FOCAD: variants seen among roughly 807,000 people sequenced by gnomAD.
FOCAD encodes the protein KIAA1797.
Under a neutral mutation model 225.6 loss-of-function variants are expected in FOCAD, and 198 were observed. That is an observed-to-expected ratio of 0.88 (90% CI 0.78 to 0.99). The LOEUF is 0.99. Ranked by LOEUF, FOCAD falls within the 50% of genes least tolerant of loss-of-function variation. FOCAD has a pLI of 0.00. For missense variants in FOCAD, 2,713 were observed against 2,123.6 expected (o/e 1.28, Z -5.46); for synonymous variants, 897 against 755.0 (o/e 1.19, Z -3.08).
intron 11 of FOCAD, among the ~76,000 whole-genome samples, chr9:20,819,020 A>G (rs1288308113): frequency 2.6e-5 from 4 of 152,082 alleles, no homozygotes; most frequent in Non-Finnish European, 1.5e-5. Flanking sequence ...TTCACATTTT[A>G]TTGTGTCATG....
At chr9:20,854,478 C>A (rs1227642191) in intron 15 of FOCAD, among the ~76,000 whole-genome samples, 1 of 151,638 alleles carries the variant, frequency 6.6e-6, no homozygotes, top group Non-Finnish European at 1.5e-5. Context: ...ATGACTTCAC[C>A]ATAGTCACAC....
At position 20,986,173 on chromosome 9, in the gene FOCAD, T is replaced by A. The variant is rs373232789; in HGVS notation, c.4729-115T>A. 4.0e-5 allele frequency: 39 copies of A among 985,720 alleles called. No individual in the cohort carries two copies. In the African/African-American group the frequency reaches 5.6e-4, roughly 14 times the overall value. 61.1% of individuals were successfully genotyped at this position (985,720 alleles called of 1,614,324 possible). The stretch of plus-strand genomic sequence containing the variant: ...CAGATGGGTCATGTGCTGCAGGAAA[T>A]GAACAGAATAGTAACATCCAACTCA... On this transcript the variant is annotated intron_variant, in intron 39 of 43. Transcript: ENST00000338382.
At chr9:20,769,119 A>AT (rs1265784521) in intron 7 of FOCAD, among the ~76,000 whole-genome samples, 1 of 152,204 alleles carries the variant, frequency 6.6e-6, no homozygotes, top group African/African-American at 2.4e-5. Context: ...AAAATAATTT[A>AT]TACCAGACTG....
chr9:20,725,879 G>T (rs192864068), intron 4 of FOCAD, among the ~76,000 whole-genome samples: 14 of 152,210 alleles, frequency 9.2e-5, no homozygotes, highest in Admixed American at 8.5e-4. Context: ...CAAAGCTGAG[G>T]CAACATGAAA....
At chr9:20,819,637 G>A (rs1434445015) in intron 11 of FOCAD, among the ~76,000 whole-genome samples, 159 bp from the exon 12 acceptor site, 1 of 152,096 alleles carries the variant, frequency 6.6e-6, no homozygotes, top group Non-Finnish European at 1.5e-5. Context: ...GTGACACTAT[G>A]AAATTATCAT....
intron 35 of FOCAD, among the ~76,000 whole-genome samples, chr9:20,973,796 T>G (rs915743342): frequency 7.2e-6 from 1 of 137,952 alleles, no homozygotes; most frequent in Non-Finnish European, 1.6e-5. Flanking sequence ...TGCTGACTCT[T>G]GCTTCCCCAT....
At position 20,986,363 on chromosome 9, in the gene FOCAD, G is replaced by C; in HGVS notation, c.4804G>C (p.Asp1602His). ...ACGATTCCCCTTGGTGAACCTGACC[G>C]ATATGCTGAGCGTTGCTGTGCAGCA... ...QGRFPLVNLT[D>H]MLSVAVQHRE... Residue 1602 changes from aspartate to histidine, a missense_variant, in exon 40 of 44, where the codon GAT becomes CAT. By Grantham distance (81) the Asp-to-His change is moderately conservative. Coordinates refer to ENST00000338382, the MANE Select transcript of FOCAD (RefSeq NM_001375567.1). 3.1e-6 allele frequency: 5 copies of C among 1,590,604 alleles called. No homozygotes were observed. Among genetic ancestry groups the C allele is most frequent in the Non-Finnish European group, 4.3e-6 (5 of 1,170,218 alleles).
At chr9:20,893,527 T>G (rs2131923442) in intron 21 of FOCAD, among the ~76,000 whole-genome samples, 1 of 152,270 alleles carries the variant, frequency 6.6e-6, no homozygotes. Context: ...ATGTACTGTT[T>G]GTGTTGTTAT....
intron 39 of FOCAD, 138 bp from the exon 40 acceptor site, chr9:20,986,150 G>T (rs1432452896): frequency 2.7e-6 from 2 of 745,882 alleles, no homozygotes; most frequent in Non-Finnish European, 4.0e-6. Flanking sequence ...CACACAGGCA[G>T]ATGGGTCATG....
At chr9:20,865,688 G>A (rs1360650209) in intron 16 of FOCAD, among the ~76,000 whole-genome samples, 2 of 152,016 alleles carry the variant, frequency 1.3e-5, no homozygotes, top group African/African-American at 4.8e-5. Flanking sequence ...GAAATGGTTA[G>A]GTTTCTAAAT....
At chr9:20,775,744 A>G (rs536430242) in intron 8 of FOCAD, among the ~76,000 whole-genome samples, 115 of 152,078 alleles carry the variant, frequency 7.6e-4, no homozygotes, top group African/African-American at 2.7e-3. Flanking sequence ...GTTTAGTGCT[A>G]TTTTCATTTG....
At chr9:20,863,522 C>G (rs1237868756) in intron 16 of FOCAD, 1 of 152,102 alleles carries the variant, frequency 6.6e-6, no homozygotes, top group Non-Finnish European at 1.5e-5. Context: ...CAATACCTAT[C>G]ACAGTACCTG....
At chr9:20,722,273 G>C (rs995908408) in intron 4 of FOCAD, among the ~76,000 whole-genome samples, 5 of 151,958 alleles carry the variant, frequency 3.3e-5, no homozygotes, top group African/African-American at 1.2e-4. Context: ...ACTAGATCCA[G>C]CCTTCTGTTC....
At chr9:20,768,131 G>C (rs1447681052) in intron 7 of FOCAD, among the ~76,000 whole-genome samples, 1 of 149,016 alleles carries the variant, frequency 6.7e-6, no homozygotes, top group Non-Finnish European at 1.5e-5. Flanking sequence ...AGATCAGATA[G>C]TTGTAGATAT....
At chr9:20,766,891 T>A (rs1224642818) in intron 7 of FOCAD, among the ~76,000 whole-genome samples, 1 of 152,056 alleles carries the variant, frequency 6.6e-6, no homozygotes, top group African/African-American at 2.4e-5. Flanking sequence ...TAGTTACATA[T>A]GTATACATGT....
At chr9:20,866,050 CTT>C (rs1410445799) in intron 17 of FOCAD, 74 bp downstream of exon 17, 2 of 1,266,674 alleles carry the variant, frequency 1.6e-6, no homozygotes, top group Non-Finnish European at 2.2e-6. Flanking sequence ...AAATAAGACT[CTT>C]AGGATAAAAA....
In FOCAD at chr9:20,720,415, C is replaced by A. The variant is rs891887980; in HGVS notation, c.168C>A (p.Cys56Ter). 4 of 1,613,926 alleles carry A rather than the reference C, an allele frequency of 2.5e-6. No homozygotes were observed. Among genetic ancestry groups the A allele is most frequent in the Non-Finnish European group, 3.4e-6 (4 of 1,179,992 alleles). ...PALNLLWEKC[C>*]SDNVVVRTAC... is the part of the protein sequence containing the mutation. The stretch of plus-strand genomic sequence containing the variant: ...TGAACTTGCTGTGGGAGAAGTGTTG[C>A]AGTGACAATGTAGTGGTTCGAACAG... The change falls in exon 4 of 44, where the codon TGC (cysteine) becomes TGA (stop). Residue 56 changes from cysteine to a stop codon, truncating the protein, a stop_gained. Coordinates refer to ENST00000338382, the MANE Select transcript of FOCAD (RefSeq NM_001375567.1). LOFTEE classifies it high-confidence loss of function.
intron 6 of FOCAD, among the ~76,000 whole-genome samples, chr9:20,764,329 C>T (rs1290489254): frequency 6.6e-6 from 1 of 152,170 alleles, no homozygotes; most frequent in Non-Finnish European, 1.5e-5. Context: ...TCTTGGCTCA[C>T]TGCAACCTCT....
chr9:20,801,920 T>C (rs141017615), intron 11 of FOCAD, among the ~76,000 whole-genome samples: 2 of 152,230 alleles, frequency 1.3e-5, no homozygotes, highest in African/African-American at 4.8e-5. Context: ...AAGTGTCGAG[T>C]GCAGTCCCTT....
Sources: allele counts gnomAD v4.1 joint callset (sites outside exome capture counted in the v4.1 genomes callset), GRCh38; gene constraint gnomAD v4.1.1; transcripts MANE v1.5; gene names NCBI Gene and HGNC (gene_info 2026-07-23, HGNC 2026-07-21).